RAG1: variants seen among roughly 807,000 people sequenced by gnomAD.
The protein encoded by RAG1 is recombination activating 1.
A neutral mutation model predicts 62.7 loss-of-function variants in RAG1; 35 were observed. The ratio of observed to expected loss-of-function variants is 0.56; its 90% CI spans 0.43 to 0.74. The LOEUF is 0.74. Ranked by LOEUF, RAG1 falls within the 30% of genes least tolerant of loss-of-function variation. The pLI is 0.00. For synonymous variants in RAG1, 461 were observed against 470.3 expected, an observed-to-expected ratio of 0.98 and a Z score of 0.26; for missense variants, 1,169 against 1,278.6, an observed-to-expected ratio of 0.91 and a Z score of 1.31.
upstream of RAG1, among the ~76,000 whole-genome samples, chr11:36,563,984 A>G (rs573271531): frequency 2.0e-5 from 3 of 152,338 alleles, no homozygotes; most frequent in Admixed American, 6.5e-5. Flanking sequence ...TTTGAACTCA[A>G]TCTGTGATCT....
Position 36,576,064 on chromosome 11 carries a change from T to A in RAG1, c.2760T>A (p.Ala920=). ...CQYSFNSQRF[A]ELLSTKFKYR... The stretch of plus-strand genomic sequence containing the variant: ...ACAGTTTCAATTCACAGCGTTTTGC[T>A]GAGCTCCTTTCTACGAAGTTCAAGT... Residue 920 remains alanine (A), a synonymous_variant, in exon 2 of 2, where the codon GCT becomes GCA. Transcript: ENST00000299440. 1 of 1,614,112 alleles carries A rather than the reference T, an allele frequency of 6.2e-7. No homozygotes were observed. The highest frequency in any genetic ancestry group is 1.1e-5 in the South Asian group (1 of 91,084).
intron 2 of RAG1, among the ~76,000 whole-genome samples, chr11:36,526,328 G>A (rs1204809276): frequency 6.8e-6 from 1 of 146,254 alleles, no homozygotes; most frequent in Non-Finnish European, 1.5e-5. Flanking sequence ...GTGAGGATAT[G>A]TGGTGTTTGG....
At chr11:36,514,446 C>T (rs1032752025) in intron 1 of RAG1, among the ~76,000 whole-genome samples, 9 of 152,176 alleles carry the variant, frequency 5.9e-5, no homozygotes, top group Admixed American at 5.2e-4. Flanking sequence ...TTCTACAGAG[C>T]AGAGTGGGGC....
downstream of RAG1, among the ~76,000 whole-genome samples, chr11:36,540,724 A>C (rs764409397): frequency 4.1e-4 from 63 of 152,126 alleles, no homozygotes; most frequent in Non-Finnish European, 1.2e-4. Flanking sequence ...TCGTTTTTTA[A>C]AATGAAACCT....
At chr11:36,526,061 A>G (rs1692537270) in intron 2 of RAG1, among the ~76,000 whole-genome samples, 1 of 152,162 alleles carries the variant, frequency 6.6e-6, no homozygotes, top group South Asian at 2.1e-4. Flanking sequence ...AATTCTTCTC[A>G]TATATTGTTG....
At chr11:36,529,314 C>T (rs1860214917) in intron 2 of RAG1, among the ~76,000 whole-genome samples, 2 of 152,136 alleles carry the variant, frequency 1.3e-5, no homozygotes, top group Admixed American at 1.3e-4. Flanking sequence ...TCAGCTTCAT[C>T]CCTGGGATGC....
At chr11:36,538,821 G>C (rs1860371076), downstream of RAG1, among the ~76,000 whole-genome samples, 1 of 152,046 alleles carries the variant, frequency 6.6e-6, no homozygotes, top group South Asian at 2.1e-4. Flanking sequence ...AAGCCTTTTT[G>C]CTCTGGGCTG....
intron 1 of RAG1, among the ~76,000 whole-genome samples, chr11:36,517,774 T>C (rs904575572): frequency 1.3e-5 from 2 of 152,324 alleles, no homozygotes; most frequent in East Asian, 1.9e-4. Flanking sequence ...ACAGATTTCT[T>C]TGTGGATTTA....
At position 36,574,674 on chromosome 11, in the gene RAG1, T is replaced by C. The variant is rs1430945012; in HGVS notation, c.1370T>C (p.Ile457Thr). ...EHRQADELEA[I>T]MQGKGSGLQP... ...AGGCAAGCTGATGAGCTGGAGGCCA[T>C]CATGCAGGGAAAGGGCTCTGGCCTG... Residue 457 changes from isoleucine to threonine, a missense_variant, in exon 2 of 2, where the codon ATC becomes ACC. By Grantham distance (89) the Ile-to-Thr change is moderately conservative. Transcript: ENST00000299440. 6.2e-7 allele frequency: 1 copy of C among 1,614,208 alleles called. No individual in the cohort carries two copies. The highest frequency in any genetic ancestry group is 2.2e-5 in the East Asian group (1 of 44,880).
At chr11:36,569,128 T>C (rs187642373) in intron 1 of RAG1, among the ~76,000 whole-genome samples, 1 of 152,182 alleles carries the variant, frequency 6.6e-6, no homozygotes, top group African/African-American at 2.4e-5. Flanking sequence ...GGGATGGAAA[T>C]GGGGGGCTGC....
At chr11:36,550,979 G>A (rs1389304237) in intron 3 of RAG1, among the ~76,000 whole-genome samples, 1 of 152,110 alleles carries the variant, frequency 6.6e-6, no homozygotes, top group African/African-American at 2.4e-5. Context: ...CCAGATGACT[G>A]ATAGCAACGT....
At chr11:36,573,211 T>C in intron 1 of RAG1, 80 bp from the exon 2 acceptor site, 2 of 1,302,482 alleles carry the variant, frequency 1.5e-6, no homozygotes, top group East Asian at 2.5e-5. Flanking sequence ...TAATTGAATG[T>C]ATTTATTTTT....
upstream of RAG1, among the ~76,000 whole-genome samples, chr11:36,565,522 TTG>T (rs1463865770): frequency 6.6e-6 from 1 of 152,198 alleles, no homozygotes; most frequent in Non-Finnish European, 1.5e-5. Context: ...AGGCTGGAGC[TTG>T]GCATCAAGTT....
chr11:36,577,098 T>C lies in RAG1; in HGVS notation c.*662T>C, dbSNP rs555544984. On this transcript the variant is annotated 3_prime_UTR_variant, in exon 2 of 2. Coordinates refer to ENST00000299440, the MANE Select transcript of RAG1 (RefSeq NM_000448.3). Reference sequence around the variant, plus strand: ...TTTTATGTTTAAATTATGTATCTATTGTAACCTTCAGAGTTTAGGAGGTCA... The same window carrying C: ...TTTTATGTTTAAATTATGTATCTATCGTAACCTTCAGAGTTTAGGAGGTCA... The C allele has an allele frequency of 3.6e-5, 6 of 167,646 alleles. No individual in the cohort carries two copies. Among genetic ancestry groups the C allele is most frequent in the Non-Finnish European group, 7.3e-5 (5 of 68,560 alleles). The allele number at this position is 167,646 out of a possible 1,614,324, so 10.4% of individuals were successfully genotyped here. A position where few individuals can be genotyped will look rare whatever the true frequency, so the allele number is the denominator to read the frequency against.
chr11:36,543,370 A>G (rs1590679565), intron 3 of RAG1, among the ~76,000 whole-genome samples: 1 of 152,078 alleles, frequency 6.6e-6, no homozygotes, highest in South Asian at 2.1e-4. Flanking sequence ...GATGCCCTGT[A>G]CCCCACACGG....
intron 2 of RAG1, among the ~76,000 whole-genome samples, chr11:36,529,715 C>T (rs1860222253): frequency 6.6e-6 from 1 of 152,076 alleles, no homozygotes; most frequent in Non-Finnish European, 1.5e-5. Context: ...TCTCTGTTTG[C>T]ACATGACATG....
chr11:36,537,379 G>C (rs1244019122), downstream of RAG1, among the ~76,000 whole-genome samples: 1 of 152,116 alleles, frequency 6.6e-6, no homozygotes, highest in African/African-American at 2.4e-5. Context: ...TCTTGATTGT[G>C]GTGATGGTAT....
In RAG1 at chr11:36,535,589, CA is replaced by C. The variant is rs534298002; in HGVS notation, n.429-365del. On this transcript the variant is annotated intron_variant and non_coding_transcript_variant, in intron 2 of 2. Transcript: ENST00000529126. Reference sequence around the variant, plus strand: ...TGAAACTTTGTCTTTACTAAAAATTCAAAAATTAGCCAGGCATGGTGGCGTG... The same window carrying C: ...TGAAACTTTGTCTTTACTAAAAATTCAAAATTAGCCAGGCATGGTGGCGTG... 3.4e-3 allele frequency among the ~76,000 whole-genome samples: 514 copies of C among 152,012 alleles called. 1 individual carries two copies. The highest frequency in any genetic ancestry group is 0.01 in the Middle Eastern group (3 of 294).
chr11:36,545,648 G>A (rs150022252), intron 3 of RAG1, among the ~76,000 whole-genome samples: 83 of 152,182 alleles, frequency 5.5e-4, no homozygotes, highest in African/African-American at 1.9e-3. Flanking sequence ...CATACAAGTT[G>A]GATCACTTTG....
Sources: gnomAD v4.1 joint callset for allele counts (sites outside exome capture counted in the v4.1 genomes callset) on GRCh38, gnomAD v4.1.1 for gene constraint, MANE v1.5 for transcripts, NCBI Gene and HGNC (gene_info 2026-07-23, HGNC 2026-07-21) for gene names.